PARN: variants seen among roughly 807,000 people sequenced by gnomAD.
PARN encodes poly(A)-specific ribonuclease PARN.
PARN carries 71 observed loss-of-function variants against 102.8 expected under a neutral mutation model. That is an observed-to-expected ratio of 0.69 (90% CI 0.57 to 0.84). The LOEUF is 0.84. Ranked by LOEUF, PARN falls within the 40% of genes least tolerant of loss-of-function variation. PARN has a pLI of 0.00. For missense variants in PARN, 782 were observed against 760.9 expected, an observed-to-expected ratio of 1.03 and a Z score of -0.33; for synonymous variants, 261 against 252.9, an observed-to-expected ratio of 1.03 and a Z score of -0.30.
At chr16:14,586,993 CTGAAA>C (rs1185983768) in intron 13 of PARN, among the ~76,000 whole-genome samples, 1 of 152,176 alleles carries the variant, frequency 6.6e-6, no homozygotes, top group Non-Finnish European at 1.5e-5. Flanking sequence ...AAGTCTAGAG[CTGAAA>C]TGAGAGTCCT....
At chr16:14,492,554 T>A (rs1042444002) in intron 21 of PARN, among the ~76,000 whole-genome samples, 1 of 152,088 alleles carries the variant, frequency 6.6e-6, no homozygotes, top group African/African-American at 2.4e-5. Context: ...CAGAGTGTGA[T>A]CTTGGTTCTG....
Position 14,505,968 on chromosome 16 carries a change from T to C in PARN, c.1481-23141A>G, listed in dbSNP as rs182358952. On this transcript the variant is annotated intron_variant, in intron 21 of 23. Transcript: ENST00000437198. ...AAGTATTACTCACAGAGTACTTATT[T>C]ATTACAAAGCAGGAAGGCTACAATG... Among the ~76,000 whole-genome samples, 42 of 152,338 alleles carry C rather than the reference T, an allele frequency of 2.8e-4. No homozygotes were observed. The Middle Eastern group carries it at 0.01, about 37-fold the overall frequency.
At chr16:14,529,921 G>A (rs546493213) in intron 21 of PARN, among the ~76,000 whole-genome samples, 1 of 152,214 alleles carries the variant, frequency 6.6e-6, no homozygotes, top group South Asian at 2.1e-4. Context: ...CAGACCACGA[G>A]ACCCCATCAT....
intron 22 of PARN, among the ~76,000 whole-genome samples, chr16:14,466,561 G>GC (rs1962368742): frequency 6.6e-6 from 1 of 152,074 alleles, no homozygotes; most frequent in African/African-American, 2.4e-5. Flanking sequence ...GTTCCTTCTG[G>GC]CTCCACAAGT....
At chr16:14,506,895 AC>A (rs1208629791) in intron 21 of PARN, among the ~76,000 whole-genome samples, 1 of 152,218 alleles carries the variant, frequency 6.6e-6, no homozygotes, top group East Asian at 1.9e-4. Flanking sequence ...AACTCCAAAA[AC>A]AAACAAAAAA....
chr16:14,552,223 T>G (rs1279968088), intron 20 of PARN, 128 bp from the exon 21 acceptor site: 1 of 631,144 alleles, frequency 1.6e-6, no homozygotes, highest in Non-Finnish European at 2.8e-6. Flanking sequence ...ATTTAAAATG[T>G]GATCAAAATC....
chr16:14,581,020 T>G (rs1399270145), intron 17 of PARN, 77 bp from the exon 18 acceptor site: 6 of 798,522 alleles, frequency 7.5e-6, no homozygotes, highest in Non-Finnish European at 1.1e-5. Context: ...CAAAACAGAT[T>G]TAAATTAACA....
At chr16:14,603,784 G>C (rs1001578142) in intron 11 of PARN, among the ~76,000 whole-genome samples, 4 of 152,192 alleles carry the variant, frequency 2.6e-5, no homozygotes, top group African/African-American at 9.6e-5. Flanking sequence ...TCATCTGTCA[G>C]ATCATGTGCT....
intron 21 of PARN, among the ~76,000 whole-genome samples, chr16:14,523,225 A>ACG (rs67510959): frequency 2.0e-5 from 1 of 49,130 alleles, no homozygotes; most frequent in Non-Finnish European, 4.6e-5. Context: ...ACTAACAAGT[A>ACG]CACACACACA....
chr16:14,584,912 G>GT, intron 14 of PARN, 121 bp from the exon 15 acceptor site: 1 of 597,856 alleles, frequency 1.7e-6, no homozygotes, highest in Non-Finnish European at 2.9e-6. Flanking sequence ...AACATAAAAT[G>GT]TTTAATACAG....
intron 21 of PARN, among the ~76,000 whole-genome samples, chr16:14,543,539 C>T (rs1277991377): frequency 6.6e-6 from 1 of 152,084 alleles, no homozygotes; most frequent in East Asian, 1.9e-4. Flanking sequence ...TAAAAGACTA[C>T]AAGGAATGGT....
intron 22 of PARN, among the ~76,000 whole-genome samples, chr16:14,459,007 A>T (rs1054522410): frequency 6.6e-6 from 1 of 151,758 alleles, no homozygotes; most frequent in African/African-American, 2.4e-5. Context: ...GTATCCCCCA[A>T]GCTGAAAATC....
intron 21 of PARN, among the ~76,000 whole-genome samples, chr16:14,521,643 A>G (rs751469411): frequency 6.6e-6 from 1 of 152,142 alleles, no homozygotes; most frequent in Admixed American, 6.5e-5. Context: ...TACTAAAAAT[A>G]CAGAATTAGC....
chr16:14,534,345 G>T (rs755850983), intron 21 of PARN, among the ~76,000 whole-genome samples: 1 of 151,970 alleles, frequency 6.6e-6, no homozygotes, highest in Non-Finnish European at 1.5e-5. Flanking sequence ...AAAGAACACA[G>T]GGCATATAAA....
intron 18 of PARN, among the ~76,000 whole-genome samples, chr16:14,574,596 C>G (rs1969001690): frequency 6.6e-6 from 1 of 152,006 alleles, no homozygotes; most frequent in African/African-American, 2.4e-5. Flanking sequence ...ACCTGTAATC[C>G]CAGCTACTCA....
At chr16:14,457,919 GGTGTGTGTGTGGGT>G (rs1183679992) in intron 22 of PARN, among the ~76,000 whole-genome samples, 4 of 145,590 alleles carry the variant, frequency 2.7e-5, no homozygotes, top group African/African-American at 4.9e-5. Context: ...TGTGTGTGGG[GGTGTGTGTGTGGGT>G]GTGTGTGTGT....
intron 6 of PARN, among the ~76,000 whole-genome samples, chr16:14,611,283 C>CA (rs1971505596): frequency 6.6e-6 from 1 of 152,080 alleles, no homozygotes; most frequent in Admixed American, 6.6e-5. Context: ...ATGTCATGAG[C>CA]AAAAATGGAA....
intron 5 of PARN, among the ~76,000 whole-genome samples, chr16:14,617,851 T>G (rs1972024929): frequency 6.6e-6 from 1 of 152,208 alleles, no homozygotes; most frequent in Non-Finnish European, 1.5e-5. Flanking sequence ...CCTTTATAGC[T>G]TACAAAACAA....
intron 5 of PARN, 111 bp from the exon 6 acceptor site, chr16:14,617,761 G>A (rs1972018998): frequency 1.1e-5 from 8 of 714,686 alleles, no homozygotes; most frequent in Admixed American, 2.2e-5. Context: ...GGAAGGAAGC[G>A]ATGTGCCAGA....
Sources: allele counts gnomAD v4.1 joint callset (sites outside exome capture counted in the v4.1 genomes callset), GRCh38; gene constraint gnomAD v4.1.1; transcripts MANE v1.5; gene names NCBI Gene and HGNC (gene_info 2026-07-23, HGNC 2026-07-21).